HTR3B: variants seen among roughly 807,000 people sequenced by gnomAD.
HTR3B encodes the protein 5-hydroxytryptamine (serotonin) receptor 3B, ionotropic.
A neutral mutation model predicts 42.8 loss-of-function variants in HTR3B; 44 were observed. The observed-to-expected ratio is 1.03, with a 90% CI of 0.81 to 1.32. HTR3B has a LOEUF of 1.32. Ranked by LOEUF, HTR3B falls within the 40% of genes most tolerant of loss-of-function variation. HTR3B has a pLI of 0.00. For synonymous variants in HTR3B, 203 were observed against 209.0 expected, an observed-to-expected ratio of 0.97 and a Z score of 0.25; for missense variants, 527 against 536.5, an observed-to-expected ratio of 0.98 and a Z score of 0.17.
rs375912291 is a variant in HTR3B, at chr11:113,928,156, A to G, written c.214-3228A>G. Among the ~76,000 whole-genome samples, 157 of 152,146 alleles carry G rather than the reference A, an allele frequency of 1.0e-3. 5 individuals are homozygous for G. In the South Asian group the frequency reaches 0.031, roughly 30 times the overall value. On this transcript the variant is annotated intron_variant, in intron 2 of 8. Transcript: ENST00000260191. ...GTGTTTGGTTTTCTCTTCCTATGTTAGTTTGCTGAGGATAATGGCTTCCAG... is the reference window on the plus strand; with the variant it reads ...GTGTTTGGTTTTCTCTTCCTATGTTGGTTTGCTGAGGATAATGGCTTCCAG...
chr11:113,931,503 A>G (rs564440850), intron 3 of HTR3B, 75 bp downstream of exon 3: 1 of 909,430 alleles, frequency 1.1e-6, no homozygotes, highest in African/African-American at 1.7e-5. Flanking sequence ...TTATTTAAGA[A>G]ATAGGTATTA....
intron 2 of HTR3B, among the ~76,000 whole-genome samples, chr11:113,910,414 G>T (rs1012325241): frequency 6.6e-6 from 1 of 151,142 alleles, no homozygotes; most frequent in Non-Finnish European, 1.5e-5. Context: ...GATTTCAATT[G>T]GTCCCAGAGT....
At chr11:113,919,912 G>C (rs1417278703) in intron 2 of HTR3B, among the ~76,000 whole-genome samples, 1 of 151,938 alleles carries the variant, frequency 6.6e-6, no homozygotes, top group Non-Finnish European at 1.5e-5. Context: ...TACTGATTCA[G>C]GTTACTTTGG....
intron 2 of HTR3B, among the ~76,000 whole-genome samples, chr11:113,930,362 T>TGG (rs1950021317): frequency 6.6e-6 from 1 of 152,132 alleles, no homozygotes. Flanking sequence ...CATTTTGAGT[T>TGG]AATGTTTATA....
chr11:113,924,938 G>A (rs919737724), intron 2 of HTR3B, among the ~76,000 whole-genome samples: 13 of 152,126 alleles, frequency 8.5e-5, no homozygotes, highest in Non-Finnish European at 1.8e-4. Context: ...TGCTCCGAAT[G>A]CCTTCTCTTT....
intron 6 of HTR3B, among the ~76,000 whole-genome samples, chr11:113,934,344 A>G (rs1950067936): frequency 6.6e-6 from 1 of 151,876 alleles, no homozygotes; most frequent in African/African-American, 2.4e-5. Flanking sequence ...TGACACAGGG[A>G]GACTCTGTCA....
intron 2 of HTR3B, among the ~76,000 whole-genome samples, chr11:113,920,019 A>G (rs974180011): frequency 1.3e-5 from 2 of 151,612 alleles, no homozygotes; most frequent in Admixed American, 6.6e-5. Flanking sequence ...TTATTATTTT[A>G]TTTTTGTTTT....
At chr11:113,905,988 G>C (rs1322155563) in intron 1 of HTR3B, among the ~76,000 whole-genome samples, 3 of 152,074 alleles carry the variant, frequency 2.0e-5, no homozygotes, top group African/African-American at 7.2e-5. Context: ...AATGCCAAAT[G>C]GGTTTCTTAG....
chr11:113,910,713 T>A (rs1949783186), intron 2 of HTR3B, among the ~76,000 whole-genome samples: 1 of 152,116 alleles, frequency 6.6e-6, no homozygotes, highest in East Asian at 1.9e-4. Context: ...GTGCTGGGAT[T>A]ACAGGCGTGA....
intron 2 of HTR3B, among the ~76,000 whole-genome samples, chr11:113,910,442 CTTT>C (rs34377344): frequency 5.9e-5 from 8 of 136,234 alleles, no homozygotes; most frequent in Admixed American, 1.5e-4. Context: ...ATTTCTCTCT[CTTT>C]TTTTTTTTTT....
chr11:113,913,543 C>A lies in HTR3B; in HGVS notation c.213+4088C>A, dbSNP rs188152274. Among the ~76,000 whole-genome samples the A allele has an allele frequency of 6.7e-3, 995 of 148,872 alleles. 12 individuals are homozygous for A. Among genetic ancestry groups the A allele is most frequent in the African/African-American group, 0.024 (959 of 40,314 alleles). ...AAAAAATTTTATTTTTAGATGAAAT[C>A]TCTCTCTGTCACCCAGGCTGGAGTG... is the stretch of plus-strand genomic sequence containing the variant. On this transcript the variant is annotated intron_variant, in intron 2 of 8. Transcript: ENST00000260191.
In HTR3B at chr11:113,943,083, C is replaced by G; in HGVS notation, c.798C>G (p.Asn266Lys). The change falls in exon 7 of 9, where the codon AAC becomes AAG. Residue 266 changes from asparagine to lysine, a missense_variant. Physicochemically the swap from Asn to Lys is moderately conservative, Grantham distance 94 (BLOSUM62 0). Coordinates refer to ENST00000260191, the MANE Select transcript of HTR3B (RefSeq NM_006028.5). The part of the protein sequence containing the change: ...VDLGSFYLPP[N>K]CRARIVFKTS... Reference sequence around the variant, plus strand: ...TGGGGAGCTTCTACCTGCCACCCAACTGCCGAGCCAGGATTGTGTTCAAGA... The same window carrying G: ...TGGGGAGCTTCTACCTGCCACCCAAGTGCCGAGCCAGGATTGTGTTCAAGA... 6.2e-7 allele frequency: 1 copy of G among 1,614,154 alleles called. No homozygotes were observed.
intron 2 of HTR3B, among the ~76,000 whole-genome samples, chr11:113,918,268 CGTGTGTGTGTGTGTGT>C (rs60519849): frequency 2.7e-5 from 4 of 146,870 alleles, no homozygotes; most frequent in Admixed American, 6.9e-5. Context: ...TGTGTGTACT[CGTGTGTGTGTGTGTGT>C]GTGTGTGTGT....
intron 2 of HTR3B, among the ~76,000 whole-genome samples, chr11:113,929,714 G>T (rs1175065606): frequency 3.9e-5 from 6 of 152,010 alleles, no homozygotes; most frequent in Non-Finnish European, 5.9e-5. Flanking sequence ...GTCTATTCAA[G>T]TCTCTCACCC....
Position 113,933,087 on chromosome 11 carries a change from G to T in HTR3B, c.690G>T (p.Gln230His), listed in dbSNP as rs1040681487. The stretch of plus-strand genomic sequence containing the variant: ...GCGCTGGAGGATTTGCACAGATTCA[G>T]TTTAATGTAGGTTCTTTACTACCTG... ...QSSAGGFAQI[Q>H]FNVVMRRHPL... Residue 230 changes from glutamine (Q) to histidine (H), a missense_variant, in exon 6 of 9, where the codon CAG becomes CAT. Physicochemically the swap from Gln to His is conservative, Grantham distance 24 (BLOSUM62 0). Coordinates refer to ENST00000260191, the MANE Select transcript of HTR3B (RefSeq NM_006028.5). 2 of 1,613,068 alleles carry T rather than the reference G, an allele frequency of 1.2e-6. No individual in the cohort carries two copies. The highest frequency in any genetic ancestry group is 2.7e-5 in the African/African-American group (2 of 74,878).
At chr11:113,920,387 G>GTTTGT (rs1555108365) in intron 2 of HTR3B, among the ~76,000 whole-genome samples, 2 of 150,500 alleles carry the variant, frequency 1.3e-5, no homozygotes, top group African/African-American at 2.4e-5. Context: ...TTGTTTGTTT[G>GTTTGT]TTTTTTGAGA....
At chr11:113,922,874 GCA>G (rs752753828) in intron 2 of HTR3B, among the ~76,000 whole-genome samples, 3 of 152,172 alleles carry the variant, frequency 2.0e-5, no homozygotes, top group Non-Finnish European at 2.9e-5. Flanking sequence ...ATTTCTTAAT[GCA>G]CAGTTATTTG....
chr11:113,908,722 G>A (rs1002748971), intron 1 of HTR3B, among the ~76,000 whole-genome samples: 3 of 152,168 alleles, frequency 2.0e-5, no homozygotes, highest in Admixed American at 2.0e-4. Context: ...TTTCTGACAA[G>A]TGCATTTTAT....
intron 7 of HTR3B, among the ~76,000 whole-genome samples, chr11:113,943,545 G>A (rs570522048): frequency 1.3e-5 from 2 of 152,144 alleles, no homozygotes; most frequent in East Asian, 3.9e-4. Flanking sequence ...ATGTTGATCA[G>A]GCTGGTCTTG....
Sources: gnomAD v4.1 joint callset for allele counts (sites outside exome capture counted in the v4.1 genomes callset) on GRCh38, gnomAD v4.1.1 for gene constraint, MANE v1.5 for transcripts, NCBI Gene and HGNC (gene_info 2026-07-23, HGNC 2026-07-21) for gene names.